ZNF385D: variants seen among roughly 807,000 people sequenced by gnomAD.
ZNF385D encodes zinc finger protein 659.
In ZNF385D, 15 loss-of-function variants were observed where a neutral mutation model predicts 35.8. That is an observed-to-expected ratio of 0.42 (90% CI 0.28 to 0.64). The LOEUF (loss-of-function observed/expected upper bound fraction) is 0.64. Among genes scored for constraint, ZNF385D ranks in the 30% least tolerant of loss-of-function variants. The pLI is 0.23. For synonymous variants in ZNF385D, 212 were observed against 186.8 expected (o/e 1.13, Z -1.10); for missense variants, 474 against 494.6 (o/e 0.96, Z 0.39).
chr3:21,679,014 A>G (rs1157573947), intron 1 of ZNF385D, among the ~76,000 whole-genome samples: 1 of 151,108 alleles, frequency 6.6e-6, no homozygotes, highest in African/African-American at 2.4e-5. Context: ...CCACCCCCCA[A>G]CCCCATCCAC....
At position 22,164,216 on chromosome 3, in the gene ZNF385D, C is replaced by CTTTTTTTTTTTTTTTTTTTTTTTTTTTT. The variant is rs571978176; in HGVS notation, c.325+4573_325+4600dup. Among the ~76,000 whole-genome samples the CTTTTTTTTTTTTTTTTTTTTTTTTTTTT allele has an allele frequency of 6.7e-5, 5 of 74,912 alleles. 1 individual carries two copies. Among genetic ancestry groups the CTTTTTTTTTTTTTTTTTTTTTTTTTTTT allele is most frequent in the Admixed American group, 1.7e-4 (1 of 5,990 alleles). 49.1% of individuals were successfully genotyped at this position (74,912 alleles called of 152,430 possible). Reference sequence around the variant, plus strand: ...CACTATAGGTAATACAAAAGGAGCACTTTTTTTTTTTTTTTTTTTTTTTTT... The same window carrying CTTTTTTTTTTTTTTTTTTTTTTTTTTTT: ...CACTATAGGTAATACAAAAGGAGCACTTTTTTTTTTTTTTTTTTTTTTTTTTTTTTTTTTTTTTTTTTTTTTTTTTTTT... On this transcript the variant is annotated intron_variant, in intron 3 of 5. Transcript: ENST00000494108.
intron 3 of ZNF385D, among the ~76,000 whole-genome samples, chr3:21,818,204 T>C (rs1302481304): frequency 2.6e-5 from 4 of 152,004 alleles, no homozygotes; most frequent in East Asian, 1.9e-4. Flanking sequence ...GGGGGAGGGA[T>C]AGCACTAGGA....
intron 3 of ZNF385D, among the ~76,000 whole-genome samples, chr3:22,040,084 T>TA (rs1698573003): frequency 6.6e-6 from 1 of 152,206 alleles, no homozygotes; most frequent in African/African-American, 2.4e-5. Flanking sequence ...AGTGTGTACC[T>TA]AACTCTCCTC....
At chr3:21,829,404 C>T (rs1165168649) in intron 3 of ZNF385D, among the ~76,000 whole-genome samples, 1 of 152,152 alleles carries the variant, frequency 6.6e-6, no homozygotes, top group Middle Eastern at 3.4e-3. Flanking sequence ...ACAAGCTTGG[C>T]TATTTTAGGA....
At chr3:21,649,848 T>A (rs2065860817) in intron 2 of ZNF385D, among the ~76,000 whole-genome samples, 2 of 152,200 alleles carry the variant, frequency 1.3e-5, no homozygotes, top group South Asian at 4.1e-4. Flanking sequence ...ATTTAAAGTG[T>A]ATTGGTTTCT....
chr3:22,306,145 G>T (rs1703201045), intron 2 of ZNF385D, among the ~76,000 whole-genome samples: 1 of 152,000 alleles, frequency 6.6e-6, no homozygotes, highest in Non-Finnish European at 1.5e-5. Flanking sequence ...TATTCTGCTT[G>T]CATAGTGATG....
At chr3:21,509,236 G>GA (rs1447636171) in intron 4 of ZNF385D, among the ~76,000 whole-genome samples, 1 of 152,110 alleles carries the variant, frequency 6.6e-6, no homozygotes, top group Non-Finnish European at 1.5e-5. Flanking sequence ...TTGGAGCAAG[G>GA]AAAAACGTCA....
intron 3 of ZNF385D, among the ~76,000 whole-genome samples, chr3:21,806,735 C>G (rs972690999): frequency 8.5e-5 from 13 of 152,168 alleles, no homozygotes; most frequent in Non-Finnish European, 1.9e-4. Flanking sequence ...CCTTCTGTGA[C>G]TGGTTTACAA....
intron 2 of ZNF385D, among the ~76,000 whole-genome samples, chr3:22,338,666 A>G (rs910411309): frequency 1.3e-5 from 2 of 151,842 alleles, no homozygotes; most frequent in Non-Finnish European, 2.9e-5. Flanking sequence ...ATAAAAAAGT[A>G]AAGTTAATGT....
At chr3:21,596,202 C>T (rs187019353) in intron 2 of ZNF385D, among the ~76,000 whole-genome samples, 52 of 152,188 alleles carry the variant, frequency 3.4e-4, no homozygotes, top group African/African-American at 5.5e-4. Flanking sequence ...GTTTTCACAG[C>T]GGCAAGGAGG....
chr3:21,872,632 A>G (rs1043032398), intron 3 of ZNF385D, among the ~76,000 whole-genome samples: 5 of 152,226 alleles, frequency 3.3e-5, no homozygotes, highest in Non-Finnish European at 7.4e-5. Flanking sequence ...TACTATTTAG[A>G]TGCTGAGACC....
intron 2 of ZNF385D, among the ~76,000 whole-genome samples, chr3:21,577,637 GAA>G (rs2063532209): frequency 6.6e-6 from 1 of 152,008 alleles, no homozygotes; most frequent in African/African-American, 2.4e-5. Flanking sequence ...ACAGTGTATA[GAA>G]AGAGTTCCTC....
intron 3 of ZNF385D, among the ~76,000 whole-genome samples, chr3:21,780,990 AATC>A (rs2071467239): frequency 6.6e-6 from 1 of 152,062 alleles, no homozygotes; most frequent in South Asian, 2.1e-4. Context: ...CAACTACTTA[AATC>A]ATCAACATTT....
At chr3:22,178,506 A>G (rs959524993) in intron 2 of ZNF385D, among the ~76,000 whole-genome samples, 110 of 152,250 alleles carry the variant, frequency 7.2e-4, no homozygotes, top group Admixed American at 1.2e-3. Context: ...AGTAGATTGC[A>G]AAAATTTTTC....
chr3:21,982,419 T>G (rs965877303), intron 3 of ZNF385D, among the ~76,000 whole-genome samples: 1 of 152,166 alleles, frequency 6.6e-6, no homozygotes, highest in Non-Finnish European at 1.5e-5. Flanking sequence ...TAAGTGAGTT[T>G]TGTGCATTGA....
chr3:21,590,710 TGTA>T, intron 2 of ZNF385D, among the ~76,000 whole-genome samples: 1 of 152,212 alleles, frequency 6.6e-6, no homozygotes, highest in South Asian at 2.1e-4. Context: ...GAGCGGAGGA[TGTA>T]GTATTAAACC....
intron 3 of ZNF385D, among the ~76,000 whole-genome samples, chr3:22,004,406 G>A (rs1046717835): frequency 2.6e-5 from 4 of 152,034 alleles, no homozygotes; most frequent in Non-Finnish European, 5.9e-5. Context: ...AAAAGCACAA[G>A]CAACAAAAAC....
intron 4 of ZNF385D, among the ~76,000 whole-genome samples, chr3:21,456,888 A>C (rs1317243144): frequency 6.6e-6 from 1 of 152,098 alleles, no homozygotes; most frequent in African/African-American, 2.4e-5. Flanking sequence ...ACTCTGGATA[A>C]AATTGCTACC....
chr3:22,293,755 C>T (rs149846502), intron 2 of ZNF385D, among the ~76,000 whole-genome samples: 1 of 152,236 alleles, frequency 6.6e-6, no homozygotes, highest in Non-Finnish European at 1.5e-5. Flanking sequence ...TCAGCATCAG[C>T]ATCACCTGGT....
Sources: allele counts gnomAD v4.1 joint callset (sites outside exome capture counted in the v4.1 genomes callset), GRCh38; gene constraint gnomAD v4.1.1; transcripts MANE v1.5; gene names NCBI Gene and HGNC (gene_info 2026-07-23, HGNC 2026-07-21).